FMN1: variants seen among roughly 807,000 people sequenced by gnomAD.
FMN1 encodes formin-1.
Under a neutral mutation model 132.4 loss-of-function variants are expected in FMN1, and 110 were observed. That is an observed-to-expected ratio of 0.83 (90% CI 0.71 to 0.97). The LOEUF (loss-of-function observed/expected upper bound fraction) is 0.97. Ranked by LOEUF, FMN1 falls within the 50% of genes least tolerant of loss-of-function variation. FMN1 has a pLI of 0.00. For missense variants in FMN1, 1,792 were observed against 1,705.3 expected, an observed-to-expected ratio of 1.05 and a Z score of -0.90; for synonymous variants, 722 against 651.7, an observed-to-expected ratio of 1.11 and a Z score of -1.64.
Position 32,790,631 on chromosome 15 carries a change from C to T in FMN1, c.4130+8173G>A, listed in dbSNP as rs146657852. ...GCTGCTGATCTCTAACACTGCCCTA[C>T]TGGCTTCTGAATCTCCTCTAAAACT... On this transcript the variant is annotated intron_variant, in intron 19 of 20. Transcript: ENST00000616417. 2.6e-4 allele frequency among the ~76,000 whole-genome samples: 39 copies of T among 152,316 alleles called. 1 individual carries two copies. In the East Asian group the frequency reaches 7.1e-3, roughly 28 times the overall value.
chr15:32,798,748 G>C lies in FMN1; in HGVS notation c.4130+56C>G. ...AATAGACACACTTTGATAGGTTTAA[G>C]AGTGCAGTTTCCTAGGCTCCTGAAG... On this transcript the variant is annotated intron_variant, in intron 19 of 20. Transcript: ENST00000616417. 5 of 1,448,694 alleles carry C rather than the reference G, an allele frequency of 3.5e-6. No homozygotes were observed. In the Admixed American group the frequency reaches 8.0e-5, roughly 23 times the overall value. The allele number at this position is 1,448,694 out of a possible 1,614,324, so 89.7% of individuals were successfully genotyped here. A position where few individuals can be genotyped will look rare whatever the true frequency, so the allele number is the denominator to read the frequency against.
At position 32,857,027 on chromosome 15, in the gene FMN1, A is replaced by T. The variant is rs771858156; in HGVS notation, c.3916T>A (p.Phe1306Ile). ...CAAAGCTTCCTACCTTTTTGGAAGA[A>T]CTCCTCTAGTTTGTCCTTGAAAGGC... ...LQPFKDKLEEFFQKAKKEHKM... is the reference protein window; with the variant it reads ...LQPFKDKLEEIFQKAKKEHKM... The change falls in exon 17 of 21, where the codon TTC becomes ATC. Residue 1306 changes from phenylalanine to isoleucine, a missense_variant. Physicochemically the swap from Phe to Ile is conservative, Grantham distance 21. Around this residue, in one of 3 missense-constraint regions of FMN1, gnomAD observed 1,150 missense variants for 1,043.1 expected, o/e 1.10. Transcript: ENST00000616417. 4 of 1,611,730 alleles carry T rather than the reference A, an allele frequency of 2.5e-6. No individual in the cohort carries two copies. The highest frequency in any genetic ancestry group is 2.5e-6 in the Non-Finnish European group (3 of 1,178,124).
chr15:33,112,371 T>C (rs960649842), intron 4 of FMN1, among the ~76,000 whole-genome samples: 5 of 152,144 alleles, frequency 3.3e-5, no homozygotes, highest in East Asian at 1.9e-4. Context: ...GTTGAGGTGG[T>C]TGGATTATAG....
At chr15:32,838,981 C>T (rs535745793) in intron 17 of FMN1, among the ~76,000 whole-genome samples, 1 of 152,106 alleles carries the variant, frequency 6.6e-6, no homozygotes, top group East Asian at 1.9e-4. Context: ...CCTGACACAG[C>T]CACTAATTGC....
chr15:33,029,985 G>A (rs145155977), intron 6 of FMN1, among the ~76,000 whole-genome samples: 22 of 152,236 alleles, frequency 1.4e-4, no homozygotes, highest in African/African-American at 3.6e-4. Flanking sequence ...GTGAAACCCC[G>A]TCTCTACTAA....
chr15:33,105,103 G>C (rs975582482), intron 4 of FMN1, among the ~76,000 whole-genome samples: 1 of 152,018 alleles, frequency 6.6e-6, no homozygotes, highest in Non-Finnish European at 1.5e-5. Flanking sequence ...TCTTCAAAGA[G>C]GGAATGAGCA....
chr15:33,119,133 C>G (rs1962310534), intron 4 of FMN1, among the ~76,000 whole-genome samples: 1 of 152,194 alleles, frequency 6.6e-6, no homozygotes, highest in Admixed American at 6.5e-5. Flanking sequence ...GCTAAAAACA[C>G]TAAGTAGAGA....
chr15:33,125,605 C>G (rs997147485), intron 4 of FMN1, among the ~76,000 whole-genome samples: 5 of 151,916 alleles, frequency 3.3e-5, no homozygotes, highest in Non-Finnish European at 7.4e-5. Context: ...TTCGGAAGGC[C>G]AAGGCGGGCA....
chr15:33,136,586 C>T (rs17235722), intron 4 of FMN1, among the ~76,000 whole-genome samples: 45,479 of 152,020 alleles, frequency 0.3, 8,353 homozygotes, highest in South Asian at 0.41. Context: ...AAGCAAGGAT[C>T]GTGGTAATGG....
intron 4 of FMN1, among the ~76,000 whole-genome samples, chr15:33,106,644 C>CAT (rs1174086902): frequency 6.6e-6 from 1 of 152,048 alleles, no homozygotes; most frequent in East Asian, 1.9e-4. Context: ...CCTTCTAAAT[C>CAT]AGTGTTCTAA....
At chr15:33,124,757 T>G (rs905499151) in intron 4 of FMN1, among the ~76,000 whole-genome samples, 2 of 152,020 alleles carry the variant, frequency 1.3e-5, no homozygotes, top group African/African-American at 4.8e-5. Context: ...TAAATAGCAC[T>G]CCTTTGTGCT....
intron 6 of FMN1, among the ~76,000 whole-genome samples, chr15:33,026,410 TCA>T (rs71113496): frequency 0.018 from 2,489 of 140,188 alleles, 50 homozygotes; most frequent in African/African-American, 0.056. Flanking sequence ...GTCCAAATTT[TCA>T]CACACACACA....
At chr15:33,108,913 C>T (rs138967745) in intron 4 of FMN1, among the ~76,000 whole-genome samples, 25 of 152,216 alleles carry the variant, frequency 1.6e-4, no homozygotes, top group African/African-American at 6.0e-4. Flanking sequence ...ATATTGATTA[C>T]CACTCTGCCT....
intron 4 of FMN1, among the ~76,000 whole-genome samples, chr15:33,114,548 G>A (rs1007101206): frequency 6.6e-6 from 1 of 152,108 alleles, no homozygotes; most frequent in African/African-American, 2.4e-5. Flanking sequence ...TCATCCAGTC[G>A]CTTGTTTGTG....
rs7162451 is a variant in FMN1, at chr15:33,160,419, T to C, written c.-131-5374A>G. ...CTTCAACCTCAACCCTCTAGAGTGTTCCATGTCAGAAGAAGGCTTTAGACC... is the reference window on the plus strand; with the variant it reads ...CTTCAACCTCAACCCTCTAGAGTGTCCCATGTCAGAAGAAGGCTTTAGACC... On this transcript the variant is annotated intron_variant, in intron 3 of 20. Coordinates refer to ENST00000616417, the MANE Select transcript of FMN1 (RefSeq NM_001277313.2). Among the ~76,000 whole-genome samples the C allele has an allele frequency of 3.4e-3, 517 of 152,300 alleles. 1 individual carries two copies. Among genetic ancestry groups the C allele is most frequent in the African/African-American group, 0.012 (483 of 41,560 alleles).
chr15:32,880,387 C>G (rs2059740258), intron 16 of FMN1, among the ~76,000 whole-genome samples: 1 of 152,148 alleles, frequency 6.6e-6, no homozygotes, highest in South Asian at 2.1e-4. Flanking sequence ...TCCAAACGTT[C>G]AGATATATTA....
intron 4 of FMN1, among the ~76,000 whole-genome samples, chr15:33,102,136 C>G (rs2039317557): frequency 6.6e-6 from 1 of 152,074 alleles, no homozygotes; most frequent in Non-Finnish European, 1.5e-5. Flanking sequence ...CCGTTATGTG[C>G]TAATTTATTT....
Position 32,769,366 on chromosome 15 carries a change from G to A in FMN1, c.*4944C>T, listed in dbSNP as rs1045476895. 1 of 152,162 alleles carries A rather than the reference G, an allele frequency of 6.6e-6. No individual in the cohort carries two copies. The highest frequency in any genetic ancestry group is 1.5e-5 in the Non-Finnish European group (1 of 68,036). The allele number at this position is 152,162 out of a possible 1,614,324, so 9.4% of individuals were successfully genotyped here. On this transcript the variant is annotated 3_prime_UTR_variant, in exon 21 of 21. Coordinates refer to ENST00000616417, the MANE Select transcript of FMN1 (RefSeq NM_001277313.2). ...GTAGATTGCCCATTCCTTGGGAAGG[G>A]AGATGAAGAATTGTGAAACCAAAAT...
chr15:33,100,844 C>T (rs978419564), intron 4 of FMN1, among the ~76,000 whole-genome samples: 4 of 152,032 alleles, frequency 2.6e-5, no homozygotes, highest in African/African-American at 7.2e-5. Context: ...AAAACACCAT[C>T]GATTGTGATA....
Sources: allele counts gnomAD v4.1 joint callset (sites outside exome capture counted in the v4.1 genomes callset), GRCh38; gene constraint gnomAD v4.1.1; regional missense constraint gnomAD v4.1.1; transcripts MANE v1.5; gene names NCBI Gene and HGNC (gene_info 2026-07-23, HGNC 2026-07-21).